Variants in TLK2 observed in about 807,000 individuals in gnomAD.
TLK2 encodes tousled like kinase 2, also known as serine/threonine-protein kinase tousled-like 2.
TLK2 carries 6 observed loss-of-function variants against 117.3 expected under a neutral mutation model. That is an observed-to-expected ratio of 0.05 (90% CI 0.03 to 0.10). TLK2 has a LOEUF of 0.10. TLK2 is among the 10% of genes least tolerant of loss of function. The pLI is 1.00. For synonymous variants in TLK2, 257 were observed against 316.7 expected (o/e 0.81, Z 2.00); for missense variants, 299 against 901.2 (o/e 0.33, Z 8.56).
intron 17 of TLK2, among the ~76,000 whole-genome samples, chr17:62,598,967 A>T (rs905335472): frequency 1.3e-5 from 2 of 151,868 alleles, no homozygotes; most frequent in African/African-American, 4.8e-5. Context: ...TTTATTTGAG[A>T]TGGAGTCTTG....
At chr17:62,565,320 G>A (rs1188545345) in intron 11 of TLK2, among the ~76,000 whole-genome samples, 183 bp downstream of exon 11, 1 of 152,122 alleles carries the variant, frequency 6.6e-6, no homozygotes, top group Non-Finnish European at 1.5e-5. Flanking sequence ...AACGACACAA[G>A]TAAAATCAGG....
At chr17:62,608,013 A>G (rs750913036) in intron 20 of TLK2, 28 bp from the exon 21 acceptor site, 5 of 1,578,496 alleles carry the variant, frequency 3.2e-6, no homozygotes, top group Admixed American at 3.5e-5. Context: ...TCAGAGGCCT[A>G]CATTATTTGT....
At chr17:62,480,012 C>T (rs568976536) in intron 1 of TLK2, among the ~76,000 whole-genome samples, 15 of 152,222 alleles carry the variant, frequency 9.9e-5, no homozygotes, top group Non-Finnish European at 4.4e-5. Flanking sequence ...TCCTAATTCT[C>T]TCTCTAACCT....
At chr17:62,482,385 G>A (rs185704338) in intron 2 of TLK2, among the ~76,000 whole-genome samples, 18 of 151,702 alleles carry the variant, frequency 1.2e-4, no homozygotes, top group African/African-American at 4.4e-4. Flanking sequence ...TTGAGGTTTA[G>A]TTGGAAAAAT....
Position 62,551,078 on chromosome 17 carries a change from A to G in TLK2, c.532-1224A>G, listed in dbSNP as rs371449419. 3.5e-3 allele frequency among the ~76,000 whole-genome samples: 527 copies of G among 152,298 alleles called. 3 individuals are homozygous for G. Among genetic ancestry groups the G allele is most frequent in the African/African-American group, 0.012 (492 of 41,572 alleles). On this transcript the variant is annotated intron_variant, in intron 7 of 21. Transcript: ENST00000346027. ...AGTGATCCACCTGATTCAGCCTCCCAAAGTGCTAGGATTACAGGTGAGCCA... is the reference window on the plus strand; with the variant it reads ...AGTGATCCACCTGATTCAGCCTCCCGAAGTGCTAGGATTACAGGTGAGCCA...
intron 16 of TLK2, among the ~76,000 whole-genome samples, chr17:62,593,020 G>A (rs1185543601): frequency 5.9e-5 from 9 of 152,148 alleles, no homozygotes; most frequent in Non-Finnish European, 1.2e-4. Context: ...GCGAGCTATG[G>A]GGAGCAGCTG....
At chr17:62,608,281 T>A in intron 21 of TLK2, 133 bp downstream of exon 21, 1 of 693,512 alleles carries the variant, frequency 1.4e-6, no homozygotes, top group Non-Finnish European at 2.4e-6. Context: ...AGGCATGAAT[T>A]AATGTTCCTA....
rs2146689113 is a variant in TLK2 at position 62,576,743 on chromosome 17, A to G, written c.1156A>G (p.Ile386Val). ...AGCAGAATACCATGAACAAGAAGAAATCTTCAAACTCAGATTAGGTCATCT... is the reference window on the plus strand; with the variant it reads ...AGCAGAATACCATGAACAAGAAGAAGTCTTCAAACTCAGATTAGGTCATCT... The part of the protein sequence containing the change: ...TLAEYHEQEE[I>V]FKLRLGHLKK... Residue 386 changes from isoleucine (I) to valine (V), a missense_variant, in exon 13 of 22, where the codon ATC (isoleucine) becomes GTC (valine). Ile to Val is a conservative substitution (Grantham distance 29, BLOSUM62 3). Around this residue, in one of 4 missense-constraint regions of TLK2, gnomAD observed 94 missense variants for 282.6 expected, o/e 0.33. Transcript: ENST00000346027. 1 of 1,613,648 alleles carries G rather than the reference A, an allele frequency of 6.2e-7. No individual in the cohort carries two copies. The highest frequency in any genetic ancestry group is 1.1e-5 in the South Asian group (1 of 91,058).
At chr17:62,535,124 G>T (rs2077024999) in intron 6 of TLK2, among the ~76,000 whole-genome samples, 1 of 152,040 alleles carries the variant, frequency 6.6e-6, no homozygotes, top group Non-Finnish European at 1.5e-5. Flanking sequence ...CTGACTTCAA[G>T]TGATCCGCCT....
chr17:62,503,810 C>G (rs2074427004), intron 2 of TLK2, among the ~76,000 whole-genome samples: 1 of 151,416 alleles, frequency 6.6e-6, no homozygotes, highest in Admixed American at 6.6e-5. Context: ...CTCACTGCAG[C>G]CTCCCCCTCC....
intron 12 of TLK2, among the ~76,000 whole-genome samples, 153 bp downstream of exon 12, chr17:62,573,520 A>C (rs776619005): frequency 3.3e-5 from 5 of 152,224 alleles, no homozygotes; most frequent in Non-Finnish European, 7.3e-5. Flanking sequence ...ACTCATATAA[A>C]TGCCATATAA....
At chr17:62,529,606 C>T (rs148051669) in intron 6 of TLK2, among the ~76,000 whole-genome samples, 1 of 152,234 alleles carries the variant, frequency 6.6e-6, no homozygotes, top group Non-Finnish European at 1.5e-5. Flanking sequence ...TAACTATTTC[C>T]ATTCTTAATA....
At chr17:62,500,012 G>A (rs1475218667) in intron 2 of TLK2, among the ~76,000 whole-genome samples, 1 of 152,054 alleles carries the variant, frequency 6.6e-6, no homozygotes, top group East Asian at 1.9e-4. Context: ...ATGGGATCCT[G>A]CTTTTACTAG....
chr17:62,472,055 C>G (rs1394483262), intron 1 of TLK2, among the ~76,000 whole-genome samples: 1 of 151,082 alleles, frequency 6.6e-6, no homozygotes, highest in Non-Finnish European at 1.5e-5. Flanking sequence ...ACAGGCGCCC[C>G]CCCACCATGT....
intron 7 of TLK2, among the ~76,000 whole-genome samples, chr17:62,538,537 G>A (rs138516164): frequency 2.2e-3 from 337 of 152,324 alleles, no homozygotes; most frequent in Non-Finnish European, 3.5e-3. Flanking sequence ...TGGTCAGCAA[G>A]AACTTGTTCC....
At chr17:62,546,224 G>A (rs925047390) in intron 7 of TLK2, among the ~76,000 whole-genome samples, 17 of 151,988 alleles carry the variant, frequency 1.1e-4, no homozygotes, top group African/African-American at 4.1e-4. Context: ...TGTTGGCCAG[G>A]GTGGTCTGGA....
At chr17:62,519,198 T>C (rs2075854890) in intron 2 of TLK2, among the ~76,000 whole-genome samples, 1 of 152,192 alleles carries the variant, frequency 6.6e-6, no homozygotes, top group South Asian at 2.1e-4. Flanking sequence ...TTTGAGTTAA[T>C]TTTTATGTTG....
At position 62,536,242 on chromosome 17, in the gene TLK2, C is replaced by T; in HGVS notation, c.436C>T (p.Leu146=). The T allele has an allele frequency of 4.3e-6, 7 of 1,613,278 alleles. No individual in the cohort carries two copies. The highest frequency in any genetic ancestry group is 1.3e-5 in the African/African-American group (1 of 75,032). ...GGAGGCAACGGAGGAGCAGTCTGCT[C>T]TGCCAACCCTCATGTCAGTGATGCT... The part of the protein sequence containing the change: ...AKEATEEQSA[L]PTLMSVMLAK... Residue 146 remains leucine, a synonymous_variant, in exon 7 of 22, where the codon CTG becomes TTG. Coordinates refer to ENST00000346027, the MANE Select transcript of TLK2 (RefSeq NM_006852.6).
chr17:62,582,656 A>AT (rs1160116553), intron 15 of TLK2, among the ~76,000 whole-genome samples: 1 of 152,216 alleles, frequency 6.6e-6, no homozygotes, highest in Non-Finnish European at 1.5e-5. Context: ...AAAAAGATAG[A>AT]TATAAAATTT....
Sources: gnomAD v4.1 joint callset for allele counts (sites outside exome capture counted in the v4.1 genomes callset) on GRCh38, gnomAD v4.1.1 for gene constraint, gnomAD v4.1.1 regional missense constraint, MANE v1.5 for transcripts, NCBI Gene and HGNC (gene_info 2026-07-23, HGNC 2026-07-21) for gene names.